The following DTX1 variants were observed in gnomAD, a reference collection of about 807,000 sequenced individuals.
DTX1 encodes deltex E3 ubiquitin ligase 1.
A neutral mutation model predicts 57.8 loss-of-function variants in DTX1; 26 were observed. The observed-to-expected ratio is 0.45, with a 90% confidence interval of 0.33 to 0.62. The LOEUF is 0.62. Ranked by LOEUF, DTX1 falls within the 20% of genes least tolerant of loss-of-function variation. The pLI, the probability that DTX1 is intolerant of heterozygous loss-of-function variation, is 0.02. For synonymous variants in DTX1, 398 were observed against 394.1 expected (o/e 1.01, Z -0.12); for missense variants, 704 against 895.3 (o/e 0.79, Z 2.73).
intron 3 of DTX1, among the ~76,000 whole-genome samples, chr12:113,082,219 C>A (rs960738635): frequency 6.6e-6 from 1 of 152,116 alleles, no homozygotes; most frequent in Non-Finnish European, 1.5e-5. Flanking sequence ...CATCCCTCCC[C>A]ACCCACGCAG....
rs1413509397 is a variant in DTX1, at chr12:113,077,969, C to A, written c.805C>A (p.Pro269Thr). 10 of 1,014,610 alleles carry A rather than the reference C, an allele frequency of 9.9e-6. No individual in the cohort carries two copies. Among genetic ancestry groups the A allele is most frequent in the Non-Finnish European group, 1.2e-5 (10 of 850,874 alleles). 62.9% of individuals were successfully genotyped at this position (1,014,610 alleles called of 1,614,324 possible). The change falls in exon 3 of 10, where the codon CCC becomes ACC. Residue 269 changes from proline to threonine, a missense_variant. This residue lies in a region of DTX1 where 299 missense variants were observed against 311.2 expected (regional missense o/e 0.96). Coordinates refer to ENST00000548759, the MANE Select transcript of DTX1 (RefSeq NM_004416.3). This position sits in a 1 kb window ranked among gnomAD's most constrained non-coding sequence, Gnocchi z 7.8. ...WAAPAAGPAEPAPPPGAPPRS... is the reference protein window; with the variant it reads ...WAAPAAGPAETAPPPGAPPRS... ...AGCGCCCGCCGCCGGCCCCGCCGAG[C>A]CCGCGCCGCCTCCCGGGGCGCCCCC...
chr12:113,080,060 G>A (rs560108740), intron 3 of DTX1, among the ~76,000 whole-genome samples: 1 of 149,908 alleles, frequency 6.7e-6, no homozygotes, highest in South Asian at 2.2e-4. Context: ...GGTTGGCATG[G>A]AGGGCGGGGA....
chr12:113,066,547 G>A (rs562542119), intron 2 of DTX1, among the ~76,000 whole-genome samples: 6 of 151,274 alleles, frequency 4.0e-5, no homozygotes, highest in South Asian at 2.1e-4. Flanking sequence ...AAAAAGAATC[G>A]TAGTGGGTGG....
chr12:113,096,258 C>T (rs957921257), intron 9 of DTX1, among the ~76,000 whole-genome samples: 3 of 149,132 alleles, frequency 2.0e-5, no homozygotes, highest in Admixed American at 6.7e-5. Flanking sequence ...AATCCCTGCA[C>T]TTGGGGAGGC....
rs750486432 is a variant in DTX1, at chr12:113,095,134, C to T, written c.1479C>T (p.Pro493=). 2 of 1,613,682 alleles carry T rather than the reference C, an allele frequency of 1.2e-6. No individual in the cohort carries two copies. The highest frequency in any genetic ancestry group is 4.5e-5 in the East Asian group (2 of 44,878). ...PPGKMEFHLI[P]HSLPGFPDTQ... The stretch of plus-strand genomic sequence containing the variant: ...GGAAGATGGAGTTCCACCTCATCCC[C>T]CACTCGCTGCCCGGCTTCCCTGATA... Residue 493 remains proline, a synonymous_variant, in exon 8 of 10, where the codon CCC becomes CCT. Transcript: ENST00000548759.
intron 2 of DTX1, among the ~76,000 whole-genome samples, chr12:113,072,861 G>A (rs985563781): frequency 1.1e-4 from 16 of 151,754 alleles, no homozygotes; most frequent in African/African-American, 3.4e-4. Context: ...GTACCACCAC[G>A]CCTGGCTAAT....
chr12:113,058,492 C>T (rs1377255273), intron 2 of DTX1, 41 bp downstream of exon 2: 2 of 1,564,506 alleles, frequency 1.3e-6, no homozygotes, highest in East Asian at 2.2e-5. Context: ...CCCGCCGAGC[C>T]ATCACTACCT....
At chr12:113,073,184 A>C (rs2044749000) in intron 2 of DTX1, among the ~76,000 whole-genome samples, 1 of 152,126 alleles carries the variant, frequency 6.6e-6, no homozygotes, top group Non-Finnish European at 1.5e-5. Context: ...CCTCACCAGG[A>C]GCTGAATGGT....
chr12:113,083,428 T>G (rs1242748910), intron 3 of DTX1, among the ~76,000 whole-genome samples: 1 of 151,952 alleles, frequency 6.6e-6, no homozygotes, highest in Non-Finnish European at 1.5e-5. Flanking sequence ...CAGGTTCAAG[T>G]GATTCTCCTG....
At chr12:113,059,133 G>T (rs2044650177) in intron 2 of DTX1, among the ~76,000 whole-genome samples, 1 of 152,100 alleles carries the variant, frequency 6.6e-6, no homozygotes, top group Admixed American at 6.6e-5. Context: ...GGTTGTGTTG[G>T]TGGTGACTCA....
intron 8 of DTX1, 60 bp from the exon 9 acceptor site, chr12:113,095,265 C>A (rs1261979723): frequency 1.2e-6 from 2 of 1,610,666 alleles, no homozygotes; most frequent in African/African-American, 1.3e-5. Flanking sequence ...CCTCCAGATG[C>A]TTCTCCACCC....
At chr12:113,088,298 A>C (rs949450126) in intron 3 of DTX1, among the ~76,000 whole-genome samples, 2 of 152,096 alleles carry the variant, frequency 1.3e-5, no homozygotes, top group Non-Finnish European at 2.9e-5. Flanking sequence ...GTTGAGGAGG[A>C]TTCTGAAGTT....
Position 113,077,794 on chromosome 12 carries a change from C to T in DTX1, c.630C>T (p.Ser210=), listed in dbSNP as rs1345641177. Residue 210 remains serine, a synonymous_variant, in exon 3 of 10, where the codon AGC becomes AGT. Coordinates refer to ENST00000548759, the MANE Select transcript of DTX1 (RefSeq NM_004416.3). This position sits in a 1 kb window ranked among gnomAD's most constrained non-coding sequence, Gnocchi z 7.8. ...CSCQQCLLVN[S]TRAASNAILA... ...GCCAGCAGTGCCTGCTGGTCAACAG[C>T]ACGCGCGCCGCCTCCAACGCCATCC... 6.6e-7 allele frequency: 1 copy of T among 1,506,920 alleles called. No homozygotes were observed. Among genetic ancestry groups the T allele is most frequent in the Admixed American group, 2.2e-5 (1 of 46,130 alleles). 93.3% of individuals were successfully genotyped at this position (1,506,920 alleles called of 1,614,324 possible).
intron 1 of DTX1, among the ~76,000 whole-genome samples, chr12:113,057,162 A>C (rs2044630278): frequency 1.3e-5 from 2 of 151,528 alleles, no homozygotes; most frequent in Admixed American, 6.6e-5. Context: ...GGCGCACCCC[A>C]GCGCACCCGG....
rs1417610213 is a variant in DTX1 at position 113,077,782 on chromosome 12, G to C, written c.618G>C (p.Leu206=). 1 of 1,518,746 alleles carries C rather than the reference G, an allele frequency of 6.6e-7. No homozygotes were observed. Among genetic ancestry groups the C allele is most frequent in the East Asian group, 2.5e-5 (1 of 40,130 alleles). 94.1% of individuals were successfully genotyped at this position (1,518,746 alleles called of 1,614,324 possible). ...SGQPCSCQQC[L]LVNSTRAASN... is the part of the protein sequence containing the mutation. Reference sequence around the variant, plus strand: ...AGCCCTGCTCCTGCCAGCAGTGCCTGCTGGTCAACAGCACGCGCGCCGCCT... The same window carrying C: ...AGCCCTGCTCCTGCCAGCAGTGCCTCCTGGTCAACAGCACGCGCGCCGCCT... The change falls in exon 3 of 10, where the codon CTG becomes CTC. Residue 206 remains leucine (L), a synonymous_variant. Transcript: ENST00000548759. The surrounding 1 kb of genome is among the most constrained non-coding windows in gnomAD (Gnocchi z 7.8).
chr12:113,086,654 T>C (rs1039618505), intron 3 of DTX1, among the ~76,000 whole-genome samples: 7 of 152,318 alleles, frequency 4.6e-5, no homozygotes, highest in South Asian at 2.1e-4. Context: ...TCCTTTTTTT[T>C]CCTTTTTTCT....
intron 3 of DTX1, among the ~76,000 whole-genome samples, chr12:113,084,516 G>A (rs1288402911): frequency 2.0e-5 from 3 of 152,034 alleles, no homozygotes; most frequent in African/African-American, 7.2e-5. Context: ...CTCCTAAGTA[G>A]CTGAGACTAA....
chr12:113,061,343 G>A (rs2044662237), intron 2 of DTX1, among the ~76,000 whole-genome samples: 1 of 152,236 alleles, frequency 6.6e-6, no homozygotes, highest in South Asian at 2.1e-4. Context: ...GGAACCTGCT[G>A]GAGAGTGGGG....
intron 3 of DTX1, among the ~76,000 whole-genome samples, chr12:113,090,418 T>C (rs563753133): frequency 2.0e-5 from 3 of 152,180 alleles, no homozygotes; most frequent in African/African-American, 7.2e-5. Context: ...CCCCGCAGGG[T>C]GCCCGACAAG....
Sources: gnomAD v4.1 joint callset for allele counts (sites outside exome capture counted in the v4.1 genomes callset) on GRCh38, gnomAD v4.1.1 for gene constraint, gnomAD v4.1.1 regional missense constraint, Gnocchi (gnomAD v3.1) non-coding constraint, MANE v1.5 for transcripts, NCBI Gene and HGNC (gene_info 2026-07-23, HGNC 2026-07-21) for gene names.